STKLD1: variants seen among roughly 807,000 people sequenced by gnomAD.
The protein encoded by STKLD1 is serine/threonine kinase like domain containing 1.
A neutral mutation model predicts 80.4 loss-of-function variants in STKLD1; 79 were observed. The observed-to-expected ratio is 0.98, with a 90% confidence interval of 0.82 to 1.19. The LOEUF is 1.19. Ranked by LOEUF, STKLD1 falls within the 50% of genes most tolerant of loss-of-function variation. The pLI is 0.00. For synonymous variants in STKLD1, 393 were observed against 357.6 expected, an observed-to-expected ratio of 1.10 and a Z score of -1.12; for missense variants, 841 against 856.0, an observed-to-expected ratio of 0.98 and a Z score of 0.22.
intron 10 of STKLD1, 48 bp downstream of exon 10, chr9:133,397,342 A>G (rs782674678): frequency 2.5e-6 from 4 of 1,606,444 alleles, no homozygotes; most frequent in Admixed American, 3.3e-5. Context: ...GCTCCTGTCC[A>G]TGGCCTTGGC....
chr9:133,385,661 C>T lies in STKLD1; in HGVS notation c.264C>T (p.Tyr88=), dbSNP rs2130275131. ...LKLRHAHISV[Y]QELFITWNGE... Reference sequence around the variant, plus strand: ...TGCGGCACGCCCACATCTCTGTGTACCAGGAGCTGTTCATCACGTGGAATG... The same window carrying T: ...TGCGGCACGCCCACATCTCTGTGTATCAGGAGCTGTTCATCACGTGGAATG... The change falls in exon 4 of 18, where the codon TAC becomes TAT. Residue 88 remains tyrosine (Y), a synonymous_variant. Coordinates refer to ENST00000371957, the MANE Select transcript of STKLD1 (RefSeq NM_153710.5). This position sits in a 1 kb window ranked among gnomAD's most constrained non-coding sequence, Gnocchi z 4.9. The T allele has an allele frequency of 6.2e-7, 1 of 1,613,294 alleles. No homozygotes were observed. The highest frequency in any genetic ancestry group is 1.1e-5 in the South Asian group (1 of 91,082).
Position 133,404,888 on chromosome 9 carries a change from T to G in STKLD1, c.1832T>G (p.Val611Gly), listed in dbSNP as rs1564386918. The change falls in exon 17 of 18, where the codon GTG (valine) becomes GGG (glycine). Residue 611 changes from valine to glycine, a missense_variant. Transcript: ENST00000371957. ...CTCCACAGGGACGACCCGGAGGTGG[T>G]GGAGAACGTGGGCATGCTGCTGGTC... ...YQLHRDDPEV[V>G]ENVGMLLVHL... 1 of 1,613,236 alleles carries G rather than the reference T, an allele frequency of 6.2e-7. No individual in the cohort carries two copies. Among genetic ancestry groups the G allele is most frequent in the Admixed American group, 1.7e-5 (1 of 59,914 alleles).
intron 9 of STKLD1, among the ~76,000 whole-genome samples, 198 bp from the exon 10 acceptor site, chr9:133,396,966 G>C (rs949815162): frequency 6.6e-6 from 1 of 152,146 alleles, no homozygotes; most frequent in African/African-American, 2.4e-5. Context: ...ACGTCCCTGG[G>C]TGTGGAATTG....
In STKLD1 at chr9:133,405,610, CG is replaced by C; in HGVS notation, c.*193del. 9.6e-6 allele frequency: 5 copies of C among 519,228 alleles called. No individual in the cohort carries two copies. Among genetic ancestry groups the C allele is most frequent in the South Asian group, 3.6e-5 (1 of 28,076 alleles). The allele number at this position is 519,228 out of a possible 1,614,324, so 32.2% of individuals were successfully genotyped here. Reference sequence around the variant, plus strand: ...TCACATGAGTAACTGCTCCTGGACCCGGGGACTGTCCACGAAAACTGACTTG... The same window carrying C: ...TCACATGAGTAACTGCTCCTGGACCCGGGACTGTCCACGAAAACTGACTTG... On this transcript the variant is annotated 3_prime_UTR_variant, in exon 18 of 18. Coordinates refer to ENST00000371957, the MANE Select transcript of STKLD1 (RefSeq NM_153710.5).
rs2130280394 is a variant in STKLD1 at position 133,387,690 on chromosome 9, T to C, written c.396+142T>C. On this transcript the variant is annotated intron_variant, in intron 5 of 17. Coordinates refer to ENST00000371957, the MANE Select transcript of STKLD1 (RefSeq NM_153710.5). ...TTCTTAAATGTGTGCCTCGAGGCAT[T>C]GCACTCTAGGTAATGTGTGCAGATC... 3.8e-5 allele frequency: 27 copies of C among 719,402 alleles called. No homozygotes were observed. The African/African-American group carries it at 4.7e-4, about 12-fold the overall frequency. The allele number at this position is 719,402 out of a possible 1,614,324, so 44.6% of individuals were successfully genotyped here.
chr9:133,386,529 A>G (rs1273769335), intron 4 of STKLD1, among the ~76,000 whole-genome samples: 1 of 152,244 alleles, frequency 6.6e-6, no homozygotes, highest in African/African-American at 2.4e-5. Flanking sequence ...CACATCCGTC[A>G]TCACGTGCCA....
intron 4 of STKLD1, among the ~76,000 whole-genome samples, chr9:133,386,727 C>T (rs2130278008): frequency 4.6e-5 from 7 of 152,352 alleles, no homozygotes; most frequent in Non-Finnish European, 1.0e-4. Flanking sequence ...TTTCCAGTCA[C>T]TTCTGATGGG....
chr9:133,403,871 T>G (rs1588758964), intron 15 of STKLD1, 43 bp downstream of exon 15: 1 of 1,610,940 alleles, frequency 6.2e-7, no homozygotes, highest in Non-Finnish European at 8.5e-7. Flanking sequence ...CTGGGAGGGG[T>G]GGGCCTCATG....
rs2130284921 is a variant in STKLD1, at chr9:133,389,707, C to A, written c.467+111C>A. ...GCAGGATCTGGGGAGAAAGGTGCAC[C>A]GGGCCAGTGCAGCCAGGATAGGATG... On this transcript the variant is annotated intron_variant, in intron 6 of 17. Coordinates refer to ENST00000371957, the MANE Select transcript of STKLD1 (RefSeq NM_153710.5). This position sits in a 1 kb window ranked among gnomAD's most constrained non-coding sequence, Gnocchi z 6.4. The A allele has an allele frequency of 2.0e-6, 3 of 1,509,148 alleles. No homozygotes were observed. The highest frequency in any genetic ancestry group is 1.2e-5 in the South Asian group (1 of 80,624). 93.5% of individuals were successfully genotyped at this position (1,509,148 alleles called of 1,614,324 possible). A position where few individuals can be genotyped will look rare whatever the true frequency, so the allele number is the denominator to read the frequency against.
chr9:133,378,511 A>T (rs1838058521), intron 1 of STKLD1, among the ~76,000 whole-genome samples: 1 of 152,228 alleles, frequency 6.6e-6, no homozygotes, highest in African/African-American at 2.4e-5. Context: ...AGCCTCAGGC[A>T]AGGACCTAGC....
intron 7 of STKLD1, among the ~76,000 whole-genome samples, chr9:133,391,254 G>C (rs1399897440): frequency 6.8e-6 from 1 of 148,122 alleles, no homozygotes; most frequent in African/African-American, 2.6e-5. Context: ...TCAGCCCCCC[G>C]CCCGGCCAGC....
In STKLD1 at chr9:133,405,260, C is replaced by T. The variant is rs1554778491; in HGVS notation, c.1882C>T (p.Leu628=). ...LVHLASYEEI[L]PELVSSSMKA... Reference sequence around the variant, plus strand: ...TCCTGCTCCACCTGCAGAGGAGATCCTGCCGGAGCTGGTGTCCAGTAGTAT... The same window carrying T: ...TCCTGCTCCACCTGCAGAGGAGATCTTGCCGGAGCTGGTGTCCAGTAGTAT... Residue 628 remains leucine (L), a synonymous_variant, in exon 18 of 18, where the codon CTG becomes TTG. Coordinates refer to ENST00000371957, the MANE Select transcript of STKLD1 (RefSeq NM_153710.5). 1.9e-6 allele frequency: 3 copies of T among 1,604,618 alleles called. No homozygotes were observed. Among genetic ancestry groups the T allele is most frequent in the Non-Finnish European group, 2.6e-6 (3 of 1,175,168 alleles).
intron 13 of STKLD1, among the ~76,000 whole-genome samples, chr9:133,402,516 A>C (rs1017587051): frequency 2.0e-5 from 3 of 152,178 alleles, no homozygotes; most frequent in African/African-American, 7.2e-5. Context: ...CCTCAGGCAA[A>C]ATGGATGTCA....
chr9:133,398,092 C>T (rs369889107), intron 11 of STKLD1, 37 bp downstream of exon 11: 6 of 1,595,352 alleles, frequency 3.8e-6, no homozygotes, highest in Non-Finnish European at 5.1e-6. Flanking sequence ...CAGCTGCTCC[C>T]CTAGGGGCAG....
At chr9:133,387,400 C>G (rs1301481438) in intron 4 of STKLD1, 47 bp from the exon 5 acceptor site, 1 of 1,520,246 alleles carries the variant, frequency 6.6e-7, no homozygotes, top group Non-Finnish European at 9.1e-7. Context: ...CCTGCAGAAG[C>G]ACCGGGGCCT....
At position 133,378,887 on chromosome 9, in the gene STKLD1, A is replaced by C. The variant is rs185274301; in HGVS notation, c.88-149A>C. 2.8e-5 allele frequency: 18 copies of C among 648,234 alleles called. No homozygotes were observed. The African/African-American group carries it at 3.3e-4, about 12-fold the overall frequency. The allele number at this position is 648,234 out of a possible 1,614,324, so 40.2% of individuals were successfully genotyped here. The stretch of plus-strand genomic sequence containing the variant: ...AAAGGCTTCTTGCCCTCCTTGGGCC[A>C]TTTCCTCTATTGCAAGATGGGGTGG... On this transcript the variant is annotated intron_variant, in intron 1 of 17. Coordinates refer to ENST00000371957, the MANE Select transcript of STKLD1 (RefSeq NM_153710.5).
At position 133,385,474 on chromosome 9, in the gene STKLD1, G is replaced by A. The variant is rs2130274569; in HGVS notation, c.220-143G>A. 48 of 743,980 alleles carry A rather than the reference G, an allele frequency of 6.5e-5. No individual in the cohort carries two copies. The South Asian group carries it at 6.6e-4, about 10-fold the overall frequency. The allele number at this position is 743,980 out of a possible 1,614,324, so 46.1% of individuals were successfully genotyped here. On this transcript the variant is annotated intron_variant, in intron 3 of 17. Transcript: ENST00000371957. This position sits in a 1 kb window ranked among gnomAD's most constrained non-coding sequence, Gnocchi z 4.9. ...TCGGACTGCCTGGCTCCCAACCACCGTGCAGCTTCCCTGAGCCCACTCCCT... is the reference window on the plus strand; with the variant it reads ...TCGGACTGCCTGGCTCCCAACCACCATGCAGCTTCCCTGAGCCCACTCCCT...
Position 133,394,555 on chromosome 9 carries a change from G to A in STKLD1, c.702+146G>A, listed in dbSNP as rs898292333. 1.6e-5 allele frequency: 11 copies of A among 671,540 alleles called. No individual in the cohort carries two copies. Among genetic ancestry groups the A allele is most frequent in the South Asian group, 3.4e-5 (2 of 58,628 alleles). The allele number at this position is 671,540 out of a possible 1,614,324, so 41.6% of individuals were successfully genotyped here. Reference sequence around the variant, plus strand: ...GCACAGAGCCCTCTTCTCCACCTGCGAGGGGCCTGCCCTCCTCAGAACCCC... The same window carrying A: ...GCACAGAGCCCTCTTCTCCACCTGCAAGGGGCCTGCCCTCCTCAGAACCCC... On this transcript the variant is annotated intron_variant, in intron 8 of 17. Coordinates refer to ENST00000371957, the MANE Select transcript of STKLD1 (RefSeq NM_153710.5). This position sits in a 1 kb window ranked among gnomAD's most constrained non-coding sequence, Gnocchi z 4.9.
At chr9:133,382,675 ATGGTGATGG>A (rs1305274346) in intron 2 of STKLD1, among the ~76,000 whole-genome samples, 2 of 146,420 alleles carry the variant, frequency 1.4e-5, no homozygotes, top group Non-Finnish European at 3.0e-5. Flanking sequence ...GATGATAGTA[ATGGTGATGG>A]TGGTGATGGT....
Sources: gnomAD v4.1 joint callset for allele counts (sites outside exome capture counted in the v4.1 genomes callset) on GRCh38, gnomAD v4.1.1 for gene constraint, Gnocchi (gnomAD v3.1) non-coding constraint, MANE v1.5 for transcripts, NCBI Gene and HGNC (gene_info 2026-07-23, HGNC 2026-07-21) for gene names.